BIRC6: variants seen among roughly 807,000 people sequenced by gnomAD.
BIRC6 encodes baculoviral IAP repeat containing 6.
A neutral mutation model predicts 503.3 loss-of-function variants in BIRC6; 98 were observed. That is an observed-to-expected ratio of 0.19 (90% CI 0.17 to 0.23). The LOEUF (loss-of-function observed/expected upper bound fraction) is 0.23, where lower values mean the gene tolerates loss of function less well. Among genes scored for constraint, BIRC6 ranks in the 10% least tolerant of loss-of-function variants. The pLI, the probability that BIRC6 is intolerant of heterozygous loss-of-function variation, is 1.00. For synonymous variants in BIRC6, 2,240 were observed against 2,078.7 expected (o/e 1.08, Z -2.11); for missense variants, 5,360 against 5,806.0 (o/e 0.92, Z 2.50).
intron 61 of BIRC6, among the ~76,000 whole-genome samples, chr2:32,542,285 T>C (rs532652459): frequency 1.6e-4 from 25 of 152,236 alleles, no homozygotes; most frequent in African/African-American, 5.8e-4. Context: ...GGAGAAATTC[T>C]AGTACTGAGG....
At chr2:32,401,736 G>A in intron 8 of BIRC6, 113 bp downstream of exon 8, 1 of 892,448 alleles carries the variant, frequency 1.1e-6, no homozygotes, top group East Asian at 2.7e-5. Context: ...GCAGTTAAGA[G>A]ATCAGAGAGT....
At chr2:32,406,424 C>A in intron 8 of BIRC6, 75 bp from the exon 9 acceptor site, 1 of 1,160,174 alleles carries the variant, frequency 8.6e-7, no homozygotes, top group South Asian at 1.3e-5. Flanking sequence ...ACCAACTGTT[C>A]TTTTTTCTTT....
rs2042265525 is a variant in BIRC6, at chr2:32,415,133, T to G, written c.1842T>G (p.Thr614=). The change falls in exon 10 of 74, where the codon ACT becomes ACG. Residue 614 remains threonine (T), a synonymous_variant. Coordinates refer to ENST00000421745, the MANE Select transcript of BIRC6 (RefSeq NM_016252.4). ...GGTCAACTGACAATGAATCCTGCAC[T>G]AATTCAGAACTAAATTCTCCTCTGG... is the stretch of plus-strand genomic sequence containing the variant. ...EQGSTDNESC[T]NSELNSPLVR... The G allele has an allele frequency of 1.2e-6, 2 of 1,613,890 alleles. No individual in the cohort carries two copies. Among genetic ancestry groups the G allele is most frequent in the Admixed American group, 3.3e-5 (2 of 59,996 alleles).
At chr2:32,466,801 G>A (rs1043839742) in intron 26 of BIRC6, among the ~76,000 whole-genome samples, 10 of 151,832 alleles carry the variant, frequency 6.6e-5, no homozygotes, top group Non-Finnish European at 1.0e-4. Flanking sequence ...TTTTTGTTTT[G>A]TTTTGGTTTT....
chr2:32,427,294 T>G (rs55982624), intron 10 of BIRC6, among the ~76,000 whole-genome samples: 48 of 145,902 alleles, frequency 3.3e-4, no homozygotes, highest in African/African-American at 1.1e-3. Context: ...ATTTTATTTT[T>G]TTTTTGAGAC....
chr2:32,607,365 TAAAGA>T, intron 71 of BIRC6, 85 bp from the exon 72 acceptor site: 1 of 882,552 alleles, frequency 1.1e-6, no homozygotes, highest in Non-Finnish European at 1.6e-6. Context: ...AAACACATAT[TAAAGA>T]AGAGTCTTTG....
chr2:32,616,702 G>A (rs1458797861), intron 73 of BIRC6, among the ~76,000 whole-genome samples: 2 of 151,574 alleles, frequency 1.3e-5, no homozygotes, highest in East Asian at 1.9e-4. Context: ...TTTTTCATTC[G>A]CTAAAGTATC....
chr2:32,534,769 T>C (rs527690512), intron 61 of BIRC6, among the ~76,000 whole-genome samples: 1 of 119,274 alleles, frequency 8.4e-6, no homozygotes, highest in African/African-American at 3.2e-5. Context: ...ATGGTTCAAA[T>C]GGAAGCATAG....
chr2:32,485,489 C>T (rs1028793224), intron 39 of BIRC6, among the ~76,000 whole-genome samples, 154 bp from the exon 40 acceptor site: 6 of 152,136 alleles, frequency 3.9e-5, no homozygotes, highest in Admixed American at 2.6e-4. Flanking sequence ...TATTCTTCCC[C>T]TGCTGTGGCT....
chr2:32,361,490 A>G (rs1573620976), intron 1 of BIRC6, among the ~76,000 whole-genome samples: 2 of 152,124 alleles, frequency 1.3e-5, no homozygotes, highest in South Asian at 4.1e-4. Flanking sequence ...CCAGAGTGGT[A>G]TGTTACCATC....
chr2:32,558,068 A>G (rs2058905593), intron 65 of BIRC6, among the ~76,000 whole-genome samples: 1 of 152,116 alleles, frequency 6.6e-6, no homozygotes, highest in African/African-American at 2.4e-5. Flanking sequence ...TACATGTTGC[A>G]TTTCTTGCGT....
Position 32,401,640 on chromosome 2 carries a change from T to C in BIRC6, c.1418+17T>C, listed in dbSNP as rs1326226865. 6.3e-7 allele frequency: 1 copy of C among 1,599,944 alleles called. No homozygotes were observed. The highest frequency in any genetic ancestry group is 1.8e-5 in the Admixed American group (1 of 56,324). Reference sequence around the variant, plus strand: ...AGGAGATAGGTATGTGAGTTTGTTTTAGTAGTATTTAATAGATGTTACATG... The same window carrying C: ...AGGAGATAGGTATGTGAGTTTGTTTCAGTAGTATTTAATAGATGTTACATG... On this transcript the variant is annotated intron_variant, in intron 8 of 73. Coordinates refer to ENST00000421745, the MANE Select transcript of BIRC6 (RefSeq NM_016252.4).
intron 61 of BIRC6, among the ~76,000 whole-genome samples, chr2:32,536,861 A>G (rs1200414927): frequency 3.9e-5 from 6 of 152,036 alleles, no homozygotes; most frequent in Admixed American, 1.3e-4. Flanking sequence ...TAGTATAGCC[A>G]TTTTCATGAT....
intron 49 of BIRC6, among the ~76,000 whole-genome samples, chr2:32,503,657 A>G (rs1197978176): frequency 6.6e-6 from 1 of 151,916 alleles, no homozygotes. Context: ...CCTGACCTCC[A>G]GTGATCCACC....
intron 22 of BIRC6, among the ~76,000 whole-genome samples, chr2:32,450,434 C>A (rs898737247): frequency 1.3e-5 from 2 of 152,036 alleles, no homozygotes; most frequent in Non-Finnish European, 2.9e-5. Context: ...TGCACTCCAG[C>A]CCGGGCGAAA....
At chr2:32,445,410 G>A (rs2148407186) in intron 20 of BIRC6, 111 bp from the exon 21 acceptor site, 1 of 1,079,030 alleles carries the variant, frequency 9.3e-7, no homozygotes, top group East Asian at 2.7e-5. Context: ...CCAGAAAAGG[G>A]AGTATCTTTC....
At chr2:32,554,510 AG>A (rs1180954803) in intron 65 of BIRC6, among the ~76,000 whole-genome samples, 1 of 152,198 alleles carries the variant, frequency 6.6e-6, no homozygotes, top group Non-Finnish European at 1.5e-5. Context: ...GTGATGTGTT[AG>A]AGTAAGGTAG....
At chr2:32,365,775 T>C (rs767422643) in intron 1 of BIRC6, among the ~76,000 whole-genome samples, 4 of 152,154 alleles carry the variant, frequency 2.6e-5, no homozygotes, top group Non-Finnish European at 5.9e-5. Flanking sequence ...ATTAGGGCCC[T>C]ATTATGATTG....
At chr2:32,586,333 T>C (rs1296900498) in intron 66 of BIRC6, among the ~76,000 whole-genome samples, 2 of 151,016 alleles carry the variant, frequency 1.3e-5, no homozygotes, top group African/African-American at 2.4e-5. Flanking sequence ...TATAAAATGA[T>C]CACTTTATTC....
Sources: allele counts gnomAD v4.1 joint callset (sites outside exome capture counted in the v4.1 genomes callset), GRCh38; gene constraint gnomAD v4.1.1; transcripts MANE v1.5; gene names NCBI Gene and HGNC (gene_info 2026-07-23, HGNC 2026-07-21).